The following TMEM63C variants were observed in gnomAD, a reference collection of about 807,000 sequenced individuals.
TMEM63C encodes osmosensitive cation channel TMEM63C.
In TMEM63C, 32 loss-of-function variants were observed where a neutral mutation model predicts 99.2. The ratio of observed to expected loss-of-function variants is 0.32; its 90% CI spans 0.24 to 0.43. The LOEUF (loss-of-function observed/expected upper bound fraction) is 0.43. Among genes scored for constraint, TMEM63C ranks in the 20% least tolerant of loss-of-function variants. The pLI is 1.00. For missense variants in TMEM63C, 826 were observed against 1,053.0 expected (o/e 0.78, Z 2.98); for synonymous variants, 376 against 397.9 (o/e 0.94, Z 0.66).
At chr14:77,214,129 C>T (rs958689237) in intron 2 of TMEM63C, among the ~76,000 whole-genome samples, 1 of 152,138 alleles carries the variant, frequency 6.6e-6, no homozygotes, top group Non-Finnish European at 1.5e-5. Context: ...CCATGGTGCC[C>T]CCTGGATCTC....
intron 15 of TMEM63C, 147 bp downstream of exon 15, chr14:77,243,203 C>T (rs916280796): frequency 1.3e-5 from 13 of 974,344 alleles, no homozygotes; most frequent in African/African-American, 5.0e-5. Flanking sequence ...GTGCAAATGG[C>T]GGGGTAGGGC....
intron 17 of TMEM63C, 57 bp from the exon 18 acceptor site, chr14:77,246,552 C>T (rs1390347189): frequency 6.7e-7 from 1 of 1,498,504 alleles, no homozygotes; most frequent in Non-Finnish European, 9.2e-7. Context: ...TGGTTGAACC[C>T]TCAGCCTTAG....
chr14:77,216,363 C>T (rs1888586540), intron 2 of TMEM63C, among the ~76,000 whole-genome samples: 1 of 152,202 alleles, frequency 6.6e-6, no homozygotes, highest in Non-Finnish European at 1.5e-5. Context: ...TTGGATCTCT[C>T]CTCTCACTAC....
At chr14:77,256,384 C>T in intron 23 of TMEM63C, 142 bp from the exon 24 acceptor site, 1 of 783,718 alleles carries the variant, frequency 1.3e-6, no homozygotes, top group Non-Finnish European at 2.1e-6. Flanking sequence ...ACAGACAGGA[C>T]CCAGGCTGCT....
chr14:77,184,987 C>T (rs1382753044), intron 1 of TMEM63C, among the ~76,000 whole-genome samples: 3 of 152,206 alleles, frequency 2.0e-5, no homozygotes, highest in Admixed American at 1.3e-4. Context: ...TGCCACATTC[C>T]TTGCCAACAC....
intron 18 of TMEM63C, among the ~76,000 whole-genome samples, chr14:77,247,265 A>G (rs1889283233): frequency 6.6e-6 from 1 of 152,130 alleles, no homozygotes; most frequent in Non-Finnish European, 1.5e-5. Flanking sequence ...CAGTGGCGCA[A>G]TCTCGGCTCA....
intron 2 of TMEM63C, among the ~76,000 whole-genome samples, chr14:77,214,929 C>G (rs1002140829): frequency 3.9e-5 from 6 of 152,198 alleles, no homozygotes; most frequent in Admixed American, 2.0e-4. Context: ...CTGGTCCTCA[C>G]CCATCTTGCA....
intron 13 of TMEM63C, 107 bp from the exon 14 acceptor site, chr14:77,242,240 C>G: frequency 1.6e-6 from 2 of 1,264,894 alleles, no homozygotes; most frequent in Admixed American, 4.0e-5. Context: ...GATGAGCCCC[C>G]ATCTGTAGGA....
At chr14:77,249,018 G>A (rs973204502) in intron 20 of TMEM63C, 146 bp downstream of exon 20, 26 of 820,726 alleles carry the variant, frequency 3.2e-5, no homozygotes, top group Non-Finnish European at 4.3e-5. Flanking sequence ...TGGGGGTACA[G>A]GGCAGCTGAG....
intron 2 of TMEM63C, among the ~76,000 whole-genome samples, chr14:77,216,032 G>A (rs1888578891): frequency 6.6e-6 from 1 of 152,094 alleles, no homozygotes; most frequent in African/African-American, 2.4e-5. Context: ...TGGGCGCAGT[G>A]GCTCGTGCCT....
chr14:77,239,683 G>A lies in TMEM63C; in HGVS notation c.887G>A (p.Cys296Tyr). ...TGKVMIRIHP[C>Y]ARLCFCKCWT... ...AAGGTGATGATCAGGATCCACCCCTGTGCCCGCCTGTGCTTCTGCAAGTGC... is the reference window on the plus strand; with the variant it reads ...AAGGTGATGATCAGGATCCACCCCTATGCCCGCCTGTGCTTCTGCAAGTGC... Residue 296 changes from cysteine to tyrosine, a missense_variant, in exon 12 of 24, where the codon TGT (cysteine) becomes TAT (tyrosine). Cys to Tyr is a radical substitution (Grantham distance 194). Transcript: ENST00000298351. The A allele has an allele frequency of 6.2e-7, 1 of 1,612,844 alleles. No individual in the cohort carries two copies. The highest frequency in any genetic ancestry group is 8.5e-7 in the Non-Finnish European group (1 of 1,179,472).
At chr14:77,196,927 C>G (rs1311644091) in intron 1 of TMEM63C, among the ~76,000 whole-genome samples, 1 of 152,190 alleles carries the variant, frequency 6.6e-6, no homozygotes, top group Non-Finnish European at 1.5e-5. Context: ...CTCTTCCTCT[C>G]CTTCCACCTT....
At chr14:77,226,068 C>T (rs528695491) in intron 6 of TMEM63C, among the ~76,000 whole-genome samples, 2 of 152,206 alleles carry the variant, frequency 1.3e-5, no homozygotes, top group African/African-American at 2.4e-5. Context: ...AGACACTTAC[C>T]GGAACTCTAT....
chr14:77,240,651 C>A, intron 13 of TMEM63C, 43 bp downstream of exon 13: 1 of 1,594,528 alleles, frequency 6.3e-7, no homozygotes. Flanking sequence ...AAGCATACTC[C>A]TGCTTCTCGG....
chr14:77,205,643 G>A (rs966919878), intron 1 of TMEM63C, among the ~76,000 whole-genome samples: 1 of 152,194 alleles, frequency 6.6e-6, no homozygotes, highest in African/African-American at 2.4e-5. Flanking sequence ...AGGAATGGAG[G>A]GGGCAGAGAC....
At chr14:77,246,167 C>T (rs1889265794) in intron 17 of TMEM63C, 141 bp downstream of exon 17, 4 of 721,960 alleles carry the variant, frequency 5.5e-6, no homozygotes, top group Non-Finnish European at 9.9e-6. Flanking sequence ...ATGGGTGTAG[C>T]ATGAGCCGGG....
intron 1 of TMEM63C, among the ~76,000 whole-genome samples, chr14:77,184,626 C>T (rs1887967666): frequency 1.3e-5 from 2 of 152,246 alleles, no homozygotes; most frequent in African/African-American, 2.4e-5. Flanking sequence ...AAGTGCTCAG[C>T]TTCCAGTGAG....
chr14:77,198,305 G>A (rs1239658522), intron 1 of TMEM63C, among the ~76,000 whole-genome samples: 1 of 152,218 alleles, frequency 6.6e-6, no homozygotes, highest in African/African-American at 2.4e-5. Flanking sequence ...GCTCCATCCT[G>A]CATCTCAGCC....
chr14:77,252,008 C>T lies in TMEM63C; in HGVS notation c.2148+110C>T, dbSNP rs559863572. 462 of 906,986 alleles carry T rather than the reference C, an allele frequency of 5.1e-4. 2 individuals are homozygous for T. Among genetic ancestry groups the T allele is most frequent in the Middle Eastern group, 1.1e-3 (5 of 4,638 alleles). 56.2% of individuals were successfully genotyped at this position (906,986 alleles called of 1,614,324 possible). A position where few individuals can be genotyped will look rare whatever the true frequency, so the allele number is the denominator to read the frequency against. ...ATAGCACCACAGGATGAAAGGGTCTCGCCTTTGTCTCTGACTGTAGAGCGT... is the reference window on the plus strand; with the variant it reads ...ATAGCACCACAGGATGAAAGGGTCTTGCCTTTGTCTCTGACTGTAGAGCGT... On this transcript the variant is annotated intron_variant, in intron 22 of 23. Coordinates refer to ENST00000298351, the MANE Select transcript of TMEM63C (RefSeq NM_020431.4).
Sources: allele counts gnomAD v4.1 joint callset (sites outside exome capture counted in the v4.1 genomes callset), GRCh38; gene constraint gnomAD v4.1.1; transcripts MANE v1.5; gene names NCBI Gene and HGNC (gene_info 2026-07-23, HGNC 2026-07-21).